Variants in TMPRSS5 observed in about 807,000 individuals in gnomAD.
TMPRSS5 encodes transmembrane serine protease 5.
A neutral mutation model predicts 59.7 loss-of-function variants in TMPRSS5; 45 were observed. The observed-to-expected ratio is 0.75, with a 90% confidence interval of 0.59 to 0.97. The LOEUF is 0.97. Ranked by LOEUF, TMPRSS5 falls within the 50% of genes least tolerant of loss-of-function variation. The pLI, the probability that TMPRSS5 is intolerant of heterozygous loss-of-function variation, is 0.00. For missense variants in TMPRSS5, 585 were observed against 596.7 expected (o/e 0.98, Z 0.20); for synonymous variants, 225 against 232.0 (o/e 0.97, Z 0.27).
At chr11:113,706,163 G>A in intron 1 of TMPRSS5, 59 bp downstream of exon 1, 1 of 1,569,700 alleles carries the variant, frequency 6.4e-7, no homozygotes, top group Non-Finnish European at 8.7e-7. Context: ...GGCAGAGGAG[G>A]GAGAGAGAAA....
At chr11:113,699,875 T>C in intron 2 of TMPRSS5, 182 bp from the exon 3 acceptor site, 1 of 1,475,400 alleles carries the variant, frequency 6.8e-7, no homozygotes, top group Non-Finnish European at 9.1e-7. Flanking sequence ...GCCTGATCAC[T>C]GAAGCCCACA....
At chr11:113,699,241 C>CTG (rs1953030155) in intron 3 of TMPRSS5, among the ~76,000 whole-genome samples, 3 of 75,794 alleles carry the variant, frequency 4.0e-5, no homozygotes, top group African/African-American at 2.4e-4. Context: ...CTCTCTCTCT[C>CTG]TCTCTCTCTC....
chr11:113,697,459 G>A (rs1565261860), intron 4 of TMPRSS5, 41 bp from the exon 5 acceptor site: 1 of 1,604,102 alleles, frequency 6.2e-7, no homozygotes, highest in South Asian at 1.1e-5. Flanking sequence ...GAGGATGGTG[G>A]TGGTAGGGTG....
intron 4 of TMPRSS5, 73 bp from the exon 5 acceptor site, chr11:113,697,491 G>A (rs577924001): frequency 3.7e-4 from 574 of 1,545,864 alleles, no homozygotes; most frequent in South Asian, 1.1e-3. Context: ...GCTGGACCCA[G>A]GATTCTGTAG....
chr11:113,695,585 C>T, intron 6 of TMPRSS5, 142 bp from the exon 7 acceptor site: 1 of 798,168 alleles, frequency 1.3e-6, no homozygotes, highest in Non-Finnish European at 2.1e-6. Context: ...CTGAAGAATA[C>T]CACCATTTCC....
At chr11:113,700,308 T>A (rs1218459388) in intron 1 of TMPRSS5, 140 bp from the exon 2 acceptor site, 3 of 834,216 alleles carry the variant, frequency 3.6e-6, no homozygotes, top group Non-Finnish European at 5.4e-6. Context: ...TCTTGGAGAC[T>A]CCCTGTATAT....
chr11:113,706,230 T>C lies in TMPRSS5; in HGVS notation c.-6A>G. 1.2e-6 allele frequency: 2 copies of C among 1,601,174 alleles called. No homozygotes were observed. Among genetic ancestry groups the C allele is most frequent in the Non-Finnish European group, 1.7e-6 (2 of 1,174,212 alleles). On this transcript the variant is annotated 5_prime_UTR_variant, in exon 1 of 13. Transcript: ENST00000299882. ...CAGAGACGTAACCTTACCATAGGGG[T>C]CAGTGGCACTGTTGTAAAGCCTCAG...
At chr11:113,691,511 C>T (rs967230910) in intron 9 of TMPRSS5, among the ~76,000 whole-genome samples, 1 of 152,200 alleles carries the variant, frequency 6.6e-6, no homozygotes, top group Non-Finnish European at 1.5e-5. Flanking sequence ...GGTGCAGCAA[C>T]TTCTGCAGCG....
rs371934092 is a variant in TMPRSS5 at position 113,697,398 on chromosome 11, C to T, written c.349G>A (p.Glu117Lys). ...PKTVSFRINS[E>K]DFLLEAQVRD... ...ACTTGCGCTTCCAGCAAGAAGTCTT[C>T]GCTGTTTATTCTGAAAGATACTGAA... Residue 117 changes from glutamate (E) to lysine (K), a missense_variant, in exon 5 of 13, where the codon GAA (glutamate) becomes AAA (lysine). By Grantham distance (56) the Glu-to-Lys change is moderately conservative. Transcript: ENST00000299882. 47 of 1,613,792 alleles carry T rather than the reference C, an allele frequency of 2.9e-5. No homozygotes were observed. Among genetic ancestry groups the T allele is most frequent in the Admixed American group, 1.2e-4 (7 of 60,014 alleles).
chr11:113,697,394 T>C lies in TMPRSS5; in HGVS notation c.353A>G (p.Asp118Gly), dbSNP rs775014492. The change falls in exon 5 of 13, where the codon GAC becomes GGC. Residue 118 changes from aspartate (D) to glycine (G), a missense_variant. Coordinates refer to ENST00000299882, the MANE Select transcript of TMPRSS5 (RefSeq NM_030770.4). Reference sequence around the variant, plus strand: ...CCTCACTTGCGCTTCCAGCAAGAAGTCTTCGCTGTTTATTCTGAAAGATAC... The same window carrying C: ...CCTCACTTGCGCTTCCAGCAAGAAGCCTTCGCTGTTTATTCTGAAAGATAC... The part of the protein sequence containing the change: ...KTVSFRINSE[D>G]FLLEAQVRDQ... 1 of 1,613,808 alleles carries C rather than the reference T, an allele frequency of 6.2e-7. No individual in the cohort carries two copies. The highest frequency in any genetic ancestry group is 8.5e-7 in the Non-Finnish European group (1 of 1,179,718).
At chr11:113,699,199 CTTTG>C (rs1953019306) in intron 3 of TMPRSS5, among the ~76,000 whole-genome samples, 172 bp from the exon 4 acceptor site, 1 of 107,984 alleles carries the variant, frequency 9.3e-6, no homozygotes, top group African/African-American at 3.5e-5. Context: ...TTTGACTCTC[CTTTG>C]TCTGTCTGTC....
chr11:113,700,959 G>T (rs982147339), intron 1 of TMPRSS5, among the ~76,000 whole-genome samples: 2 of 152,138 alleles, frequency 1.3e-5, no homozygotes, highest in Admixed American at 6.6e-5. Context: ...GGTTTTATAT[G>T]GGGCTTTTTC....
rs1443103374 is a variant in TMPRSS5, at chr11:113,690,386, C to A, written c.1064-13G>T. 1 of 1,597,148 alleles carries A rather than the reference C, an allele frequency of 6.3e-7. No individual in the cohort carries two copies. The highest frequency in any genetic ancestry group is 1.4e-5 in the African/African-American group (1 of 73,808). On this transcript the variant is annotated splice_polypyrimidine_tract_variant and intron_variant, in intron 10 of 12. Coordinates refer to ENST00000299882, the MANE Select transcript of TMPRSS5 (RefSeq NM_030770.4). ...TCCGAGCTGTAAGCTATGAGAGACACCGAGAAAAACTGCAGGGCACAAAGC... is the reference window on the plus strand; with the variant it reads ...TCCGAGCTGTAAGCTATGAGAGACAACGAGAAAAACTGCAGGGCACAAAGC...
chr11:113,701,118 T>C (rs1269551429), intron 1 of TMPRSS5, among the ~76,000 whole-genome samples: 10 of 152,214 alleles, frequency 6.6e-5, no homozygotes, highest in Admixed American at 6.5e-4. Flanking sequence ...AATTACTCAG[T>C]CTCCAGTAAT....
chr11:113,695,263 G>A, intron 7 of TMPRSS5, 137 bp downstream of exon 7: 1 of 863,436 alleles, frequency 1.2e-6, no homozygotes, highest in Non-Finnish European at 1.8e-6. Context: ...GAAGGGGCCT[G>A]GCAGGCAGAT....
chr11:113,695,555 G>C, intron 6 of TMPRSS5, 112 bp from the exon 7 acceptor site: 1 of 1,050,628 alleles, frequency 9.5e-7, no homozygotes. Context: ...CAGTTCTTAA[G>C]GCTGTCATGT....
intron 9 of TMPRSS5, among the ~76,000 whole-genome samples, chr11:113,692,121 CAA>C (rs1440878337): frequency 6.6e-5 from 10 of 152,098 alleles, no homozygotes; most frequent in Non-Finnish European, 1.5e-4. Context: ...CTCCTGACCT[CAA>C]ATGATCTGCC....
At chr11:113,699,213 C>CTG (rs1435181501) in intron 3 of TMPRSS5, among the ~76,000 whole-genome samples, 186 bp from the exon 4 acceptor site, 180 of 8,234 alleles carry the variant, frequency 0.022, 7 homozygotes, top group African/African-American at 0.069. Context: ...GTCTGTCTGT[C>CTG]TCTCTCTCTC....
chr11:113,688,364 G>A, intron 12 of TMPRSS5, 90 bp from the exon 13 acceptor site: 1 of 880,558 alleles, frequency 1.1e-6, no homozygotes, highest in Admixed American at 2.3e-5. Flanking sequence ...ACCATGCAGG[G>A]CCTTGATTTT....
Sources: gnomAD v4.1 joint callset for allele counts (sites outside exome capture counted in the v4.1 genomes callset) on GRCh38, gnomAD v4.1.1 for gene constraint, MANE v1.5 for transcripts, NCBI Gene and HGNC (gene_info 2026-07-23, HGNC 2026-07-21) for gene names.